Variants in SRGAP3 observed in about 807,000 individuals in gnomAD.
SRGAP3 encodes the protein SLIT-ROBO Rho GTPase activating protein 3, also known as SLIT-ROBO Rho GTPase-activating protein 3.
A neutral mutation model predicts 121.1 loss-of-function variants in SRGAP3; 39 were observed. That is an observed-to-expected ratio of 0.32 (90% CI 0.25 to 0.42). SRGAP3 has a LOEUF of 0.42. Among genes scored for constraint, SRGAP3 ranks in the 10% least tolerant of loss-of-function variants. The pLI, the probability that SRGAP3 is intolerant of heterozygous loss-of-function variation, is 1.00. For synonymous variants in SRGAP3, 601 were observed against 570.0 expected, an observed-to-expected ratio of 1.05 and a Z score of -0.77; for missense variants, 1,213 against 1,470.6, an observed-to-expected ratio of 0.82 and a Z score of 2.86.
At chr3:8,994,067 G>A in intron 19 of SRGAP3, 3 of 485,150 alleles carry the variant, frequency 6.2e-6, no homozygotes, top group South Asian at 6.1e-5. Context: ...GCCCTGGTGG[G>A]TGATGGCACT....
chr3:8,993,065 A>G lies in SRGAP3; in HGVS notation c.2409-10T>C, dbSNP rs776142801. 44 of 1,613,770 alleles carry G rather than the reference A, an allele frequency of 2.7e-5. No individual in the cohort carries two copies. Among genetic ancestry groups the G allele is most frequent in the Admixed American group, 2.0e-4 (12 of 60,008 alleles). ...GGAGAAGGCATCATCCCTGGGGAGAAGACAGACATGAATTGGAGGCACCTT... is the reference window on the plus strand; with the variant it reads ...GGAGAAGGCATCATCCCTGGGGAGAGGACAGACATGAATTGGAGGCACCTT... On this transcript the variant is annotated splice_polypyrimidine_tract_variant and intron_variant, in intron 19 of 21. Coordinates refer to ENST00000383836, the MANE Select transcript of SRGAP3 (RefSeq NM_014850.4).
At chr3:9,289,788 C>A (rs962372870) in intron 3 of SRGAP3, among the ~76,000 whole-genome samples, 1 of 152,118 alleles carries the variant, frequency 6.6e-6, no homozygotes, top group Middle Eastern at 3.4e-3. Context: ...GTAACTGAGA[C>A]AATGAAAAAA....
intron 1 of SRGAP3, among the ~76,000 whole-genome samples, chr3:9,163,257 C>G (rs1390161769): frequency 2.6e-5 from 4 of 152,250 alleles, no homozygotes; most frequent in African/African-American, 9.6e-5. Context: ...TCAGCGCCCA[C>G]TCTCGTGGGA....
chr3:9,012,163 T>C (rs945243600), intron 17 of SRGAP3, among the ~76,000 whole-genome samples: 2 of 152,204 alleles, frequency 1.3e-5, no homozygotes, highest in Non-Finnish European at 2.9e-5. Context: ...GGGAGGCATG[T>C]GGGAAGGAAA....
intron 1 of SRGAP3, among the ~76,000 whole-genome samples, chr3:9,195,725 G>A (rs1377682266): frequency 6.6e-6 from 1 of 152,122 alleles, no homozygotes; most frequent in Non-Finnish European, 1.5e-5. Flanking sequence ...GAAGGTCAAG[G>A]TGGGAGGATC....
At chr3:9,249,905 T>C (rs111530109), upstream of SRGAP3, among the ~76,000 whole-genome samples, 1 of 152,218 alleles carries the variant, frequency 6.6e-6, no homozygotes, top group Non-Finnish European at 1.5e-5. Flanking sequence ...GATCCTCCCT[T>C]TTTTTGCACT....
chr3:9,317,820 G>T (rs6783871), intron 3 of SRGAP3, among the ~76,000 whole-genome samples: 2 of 152,140 alleles, frequency 1.3e-5, no homozygotes, highest in African/African-American at 4.8e-5. Context: ...CCACTGATAC[G>T]GGGAGTGACT....
At chr3:9,123,401 CACAT>C (rs60204401) in intron 2 of SRGAP3, among the ~76,000 whole-genome samples, 2 of 4,692 alleles carry the variant, frequency 4.3e-4, no homozygotes, top group African/African-American at 6.1e-4. Flanking sequence ...ATACACAATA[CACAT>C]ACATACACAT....
intron 11 of SRGAP3, 49 bp from the exon 12 acceptor site, chr3:9,032,801 A>G: frequency 6.5e-7 from 1 of 1,535,958 alleles, no homozygotes; most frequent in East Asian, 2.2e-5. Flanking sequence ...CAACATAAAC[A>G]TACAACTGGG....
At chr3:9,081,436 T>C (rs1164316851) in intron 3 of SRGAP3, 7 of 360,668 alleles carry the variant, frequency 1.9e-5, no homozygotes, top group Non-Finnish European at 3.8e-5. Flanking sequence ...GAGCCTCAGC[T>C]ACCTCACCTA....
At chr3:9,283,451 T>C (rs544226671) in intron 3 of SRGAP3, among the ~76,000 whole-genome samples, 2 of 152,340 alleles carry the variant, frequency 1.3e-5, no homozygotes, top group African/African-American at 4.8e-5. Context: ...CACATTTTAT[T>C]ATCCAACATC....
At chr3:9,320,697 T>A (rs150513402) in intron 3 of SRGAP3, among the ~76,000 whole-genome samples, 4 of 151,982 alleles carry the variant, frequency 2.6e-5, no homozygotes, top group Non-Finnish European at 5.9e-5. Context: ...AAGAACAGAC[T>A]AATACAGAGA....
At chr3:9,079,550 C>T (rs1056890597) in intron 4 of SRGAP3, among the ~76,000 whole-genome samples, 4 of 152,238 alleles carry the variant, frequency 2.6e-5, no homozygotes, top group African/African-American at 9.6e-5. Context: ...ACCCCATGAC[C>T]TCCCGTGATC....
intron 11 of SRGAP3, 119 bp from the exon 12 acceptor site, chr3:9,032,871 A>C (rs946453406): frequency 3.5e-5 from 30 of 868,430 alleles, no homozygotes; most frequent in Non-Finnish European, 3.6e-5. Flanking sequence ...GAAGCCCCTG[A>C]CCCCCCGCCA....
At position 9,287,331 on chromosome 3, in the gene SRGAP3, T is replaced by C. The variant is rs949377020; in HGVS notation, n.442+38679A>G. 5.9e-5 allele frequency among the ~76,000 whole-genome samples: 9 copies of C among 152,320 alleles called. No homozygotes were observed. The East Asian group carries it at 1.7e-3, about 29-fold the overall frequency. ...TTGATCCTCATTTCTTCTTGCATTT[T>C]AGTCCTCCTTCTGCTTAAAGTATAT... On this transcript the variant is annotated intron_variant and non_coding_transcript_variant, in intron 3 of 3. Coordinates refer to the SRGAP3 transcript ENST00000490889.
rs1037922240 is a variant in SRGAP3 at position 9,356,196 on chromosome 3, T to C, written n.214+6644A>G. Among the ~76,000 whole-genome samples the C allele has an allele frequency of 7.7e-5, 11 of 142,200 alleles. No homozygotes were observed. In the East Asian group the frequency reaches 7.9e-4, roughly 10 times the overall value. 93.3% of individuals were successfully genotyped at this position (142,200 alleles called of 152,430 possible). ...CTGTTTATGGGACTTTTTTTTCTTT[T>C]TTTTTTTTTTTTTTTGAGACAGGAT... On this transcript the variant is annotated intron_variant and non_coding_transcript_variant, in intron 1 of 3. Transcript: ENST00000490889.
chr3:9,036,560 A>G (rs1574953028), intron 11 of SRGAP3: 1 of 131,110 alleles, frequency 7.6e-6, no homozygotes, highest in South Asian at 2.7e-4. Flanking sequence ...TTTATTTAAA[A>G]CACAAAACAA....
chr3:9,112,555 C>A (rs563440205), intron 2 of SRGAP3, among the ~76,000 whole-genome samples: 1 of 152,140 alleles, frequency 6.6e-6, no homozygotes, highest in Admixed American at 6.5e-5. Context: ...AAAATGGCAG[C>A]GGGAAGAAGG....
intron 18 of SRGAP3, among the ~76,000 whole-genome samples, chr3:9,001,342 T>G (rs927609920): frequency 8.5e-5 from 13 of 152,214 alleles, no homozygotes; most frequent in Admixed American, 8.5e-4. Flanking sequence ...CAATATCACA[T>G]TGTATCCAAT....
Sources: allele counts gnomAD v4.1 joint callset (sites outside exome capture counted in the v4.1 genomes callset), GRCh38; gene constraint gnomAD v4.1.1; transcripts MANE v1.5; gene names NCBI Gene and HGNC (gene_info 2026-07-23, HGNC 2026-07-21).